Variants in EPHB1 observed in about 807,000 individuals in gnomAD.
The protein encoded by EPHB1 is EPH receptor B1, also known as ephrin type-B receptor 1.
A neutral mutation model predicts 94.4 loss-of-function variants in EPHB1; 30 were observed. The observed-to-expected ratio is 0.32, with a 90% CI of 0.24 to 0.43. EPHB1 has a LOEUF of 0.43. Among genes scored for constraint, EPHB1 ranks in the 20% least tolerant of loss-of-function variants. The pLI is 1.00. For synonymous variants in EPHB1, 522 were observed against 489.1 expected (o/e 1.07, Z -0.89); for missense variants, 1,055 against 1,308.3 (o/e 0.81, Z 2.99).
At chr3:135,126,294 A>G (rs1940203385) in intron 4 of EPHB1, among the ~76,000 whole-genome samples, 1 of 152,194 alleles carries the variant, frequency 6.6e-6, no homozygotes, top group South Asian at 2.1e-4. Context: ...GACTGATAAT[A>G]CCTAGGAGTC....
intron 3 of EPHB1, among the ~76,000 whole-genome samples, chr3:135,003,209 G>C (rs1490145998): frequency 6.7e-6 from 1 of 150,324 alleles, no homozygotes; most frequent in Non-Finnish European, 1.5e-5. Flanking sequence ...CCTTCATTTC[G>C]TTACGTACCC....
In EPHB1 at chr3:134,972,779, T is replaced by C. The variant is rs575560272; in HGVS notation, c.805+20727T>C. Among the ~76,000 whole-genome samples the C allele has an allele frequency of 2.0e-5, 3 of 152,128 alleles. No homozygotes were observed. In the South Asian group the frequency reaches 6.2e-4, roughly 32 times the overall value. On this transcript the variant is annotated intron_variant, in intron 3 of 15. Transcript: ENST00000398015. ...TTGGACAATGGGACACAATTTGAAG[T>C]TGTGGATGGACTTCTCATTTCAGTC...
chr3:135,152,918 A>G lies in EPHB1; in HGVS notation c.1298-1234A>G, dbSNP rs113785841. 3.2e-3 allele frequency among the ~76,000 whole-genome samples: 489 copies of G among 152,314 alleles called. 4 individuals are homozygous for G. Among genetic ancestry groups the G allele is most frequent in the African/African-American group, 0.011 (462 of 41,578 alleles). On this transcript the variant is annotated intron_variant, in intron 5 of 15. Transcript: ENST00000398015. ...ACAAGGTCTCTAATGGGAACAGGGCATACCTGCCTTCAAGGTCCCAGAGGA... is the reference window on the plus strand; with the variant it reads ...ACAAGGTCTCTAATGGGAACAGGGCGTACCTGCCTTCAAGGTCCCAGAGGA...
chr3:134,827,200 T>TA (rs2036495495), intron 1 of EPHB1, among the ~76,000 whole-genome samples: 1 of 152,234 alleles, frequency 6.6e-6, no homozygotes, highest in Admixed American at 6.5e-5. Flanking sequence ...GTGGCTTACT[T>TA]ACAAATTCAC....
intron 5 of EPHB1, among the ~76,000 whole-genome samples, chr3:135,151,452 T>G (rs1941191424): frequency 6.6e-6 from 1 of 152,312 alleles, no homozygotes; most frequent in Non-Finnish European, 1.5e-5. Flanking sequence ...CAGCCTTCCC[T>G]GATCACACAC....
At chr3:134,901,664 A>G (rs1041132862) in intron 1 of EPHB1, among the ~76,000 whole-genome samples, 4 of 152,228 alleles carry the variant, frequency 2.6e-5, no homozygotes, top group Non-Finnish European at 4.4e-5. Context: ...TCCAGGGGAA[A>G]GGAATGGTGG....
intron 1 of EPHB1, among the ~76,000 whole-genome samples, chr3:134,866,300 T>C (rs1230743588): frequency 6.6e-6 from 1 of 152,236 alleles, no homozygotes; most frequent in East Asian, 1.9e-4. Flanking sequence ...AAATTTTGAA[T>C]GCAATTGTAT....
In EPHB1 at chr3:135,247,095, TTAAC is replaced by T. The variant is rs1411141960; in HGVS notation, c.2497-1219_2497-1216del. ...TATTTCCTTTGTTGTTTAAAATGCT[TTAAC>T]TGTTTATTTTAATATAAAATTAATG... On this transcript the variant is annotated intron_variant, in intron 13 of 15. Transcript: ENST00000398015. Among the ~76,000 whole-genome samples the T allele has an allele frequency of 7.2e-5, 11 of 152,306 alleles. No individual in the cohort carries two copies. The East Asian group carries it at 1.5e-3, about 21-fold the overall frequency.
intron 12 of EPHB1, among the ~76,000 whole-genome samples, chr3:135,239,039 G>T (rs1213028634): frequency 6.6e-6 from 1 of 152,242 alleles, no homozygotes; most frequent in East Asian, 1.9e-4. Context: ...TCTGGGGGAT[G>T]ATGAGAACAG....
intron 10 of EPHB1, among the ~76,000 whole-genome samples, chr3:135,183,895 G>T (rs1942259145): frequency 6.6e-6 from 1 of 152,196 alleles, no homozygotes; most frequent in African/African-American, 2.4e-5. Flanking sequence ...TTCATAGCAG[G>T]GTGGGTGAAA....
chr3:135,139,431 G>C (rs1048580795), intron 5 of EPHB1, among the ~76,000 whole-genome samples: 2 of 152,206 alleles, frequency 1.3e-5, no homozygotes, highest in Non-Finnish European at 2.9e-5. Context: ...AGTACTGCTT[G>C]CAAGTACTGG....
At chr3:135,216,911 C>A (rs1943161843) in intron 12 of EPHB1, among the ~76,000 whole-genome samples, 1 of 152,088 alleles carries the variant, frequency 6.6e-6, no homozygotes, top group South Asian at 2.1e-4. Context: ...GGTTGCAAAG[C>A]CCCATCTTTT....
Position 134,996,545 on chromosome 3 carries a change from T to G in EPHB1, c.805+44493T>G, listed in dbSNP as rs77355404. 5.5e-3 allele frequency among the ~76,000 whole-genome samples: 836 copies of G among 152,280 alleles called. 7 individuals carry two copies. The highest frequency in any genetic ancestry group is 0.019 in the African/African-American group (792 of 41,538). On this transcript the variant is annotated intron_variant, in intron 3 of 15. Transcript: ENST00000398015. Reference sequence around the variant, plus strand: ...CGTAGAAGTTTTGGATTAAAGTTTTTCTCATTTTTAAGGCTTTTAATAAAA... The same window carrying G: ...CGTAGAAGTTTTGGATTAAAGTTTTGCTCATTTTTAAGGCTTTTAATAAAA...
At chr3:135,126,182 T>C (rs1186799419) in intron 4 of EPHB1, among the ~76,000 whole-genome samples, 1 of 152,242 alleles carries the variant, frequency 6.6e-6, no homozygotes, top group East Asian at 1.9e-4. Flanking sequence ...AAGTTGATAT[T>C]GAAGTACATA....
intron 3 of EPHB1, among the ~76,000 whole-genome samples, chr3:135,004,157 G>A (rs1016860582): frequency 6.1e-4 from 92 of 151,742 alleles, no homozygotes; most frequent in Middle Eastern, 3.2e-3. Context: ...AGGCCTGGTG[G>A]TGACAAAATC....
rs1284232600 is a variant in EPHB1 at position 135,154,279 on chromosome 3, G to A, written c.1422+3G>A. On this transcript the variant is annotated splice_donor_region_variant and intron_variant, in intron 6 of 15. Coordinates refer to ENST00000398015, the MANE Select transcript of EPHB1 (RefSeq NM_004441.5). Reference sequence around the variant, plus strand: ...ATGAGATCCGGTACTATGAGAAGGTGAGCCAGCTCTACCTGCAAGCTTGCA... The same window carrying A: ...ATGAGATCCGGTACTATGAGAAGGTAAGCCAGCTCTACCTGCAAGCTTGCA... The A allele has an allele frequency of 1.2e-6, 2 of 1,613,750 alleles. No homozygotes were observed. Among genetic ancestry groups the A allele is most frequent in the African/African-American group, 1.3e-5 (1 of 74,924 alleles).
At chr3:135,058,149 CTG>C (rs1470797661) in intron 3 of EPHB1, among the ~76,000 whole-genome samples, 1 of 152,242 alleles carries the variant, frequency 6.6e-6, no homozygotes, top group Admixed American at 6.5e-5. Context: ...TAAAGCCAAA[CTG>C]TGCTGAGCAC....
intron 1 of EPHB1, among the ~76,000 whole-genome samples, chr3:134,814,538 G>A (rs1177941702): frequency 6.6e-6 from 1 of 152,100 alleles, no homozygotes; most frequent in Non-Finnish European, 1.5e-5. Flanking sequence ...ACCTATTGAA[G>A]GTATAGTGGA....
chr3:134,903,540 CCCTTTCT>C (rs2038250101), intron 1 of EPHB1, among the ~76,000 whole-genome samples: 1 of 152,156 alleles, frequency 6.6e-6, no homozygotes, highest in Non-Finnish European at 1.5e-5. Context: ...ATCGCTGCTG[CCCTTTCT>C]GAGAATCTCC....
Sources: allele counts gnomAD v4.1 joint callset (sites outside exome capture counted in the v4.1 genomes callset), GRCh38; gene constraint gnomAD v4.1.1; transcripts MANE v1.5; gene names NCBI Gene and HGNC (gene_info 2026-07-23, HGNC 2026-07-21).